The following ZNF536 variants were observed in gnomAD, a reference collection of about 807,000 sequenced individuals.
The protein encoded by ZNF536 is zinc finger protein 536.
In ZNF536, 13 loss-of-function variants were observed where a neutral mutation model predicts 84.5. The observed-to-expected ratio is 0.15, with a 90% CI of 0.10 to 0.24. The LOEUF is 0.24. Ranked by LOEUF, ZNF536 falls within the 10% of genes least tolerant of loss-of-function variation. ZNF536 has a pLI of 1.00. For synonymous variants in ZNF536, 811 were observed against 742.5 expected (o/e 1.09, Z -1.50); for missense variants, 1,536 against 1,747.5 (o/e 0.88, Z 2.16).
upstream of ZNF536, among the ~76,000 whole-genome samples, chr19:30,371,817 T>C (rs904414851): frequency 1.3e-5 from 2 of 151,202 alleles, no homozygotes; most frequent in African/African-American, 2.4e-5. Flanking sequence ...TATATATATA[T>C]GCATATATAT....
At chr19:30,233,911 T>C (rs1229566022) in intron 1 of ZNF536, among the ~76,000 whole-genome samples, 1 of 152,168 alleles carries the variant, frequency 6.6e-6, no homozygotes, top group African/African-American at 2.4e-5. Context: ...CTCTGTGATT[T>C]GCTCCTGATT....
rs200543526 is a variant in ZNF536, at chr19:30,446,795, G to GT, written c.2170+1066dup. 6.3e-3 allele frequency among the ~76,000 whole-genome samples: 894 copies of GT among 142,426 alleles called. 9 individuals carry two copies. Among genetic ancestry groups the GT allele is most frequent in the African/African-American group, 0.022 (792 of 36,218 alleles). 93.4% of individuals were successfully genotyped at this position (142,426 alleles called of 152,430 possible). A position where few individuals can be genotyped will look rare whatever the true frequency, so the allele number is the denominator to read the frequency against. Reference sequence around the variant, plus strand: ...TGAAATTATGAAGCTTCCTGGCCCAGTTTAAAAAAAAAACCAAAACAACAA... The same window carrying GT: ...TGAAATTATGAAGCTTCCTGGCCCAGTTTTAAAAAAAAAACCAAAACAACAA... On this transcript the variant is annotated intron_variant, in intron 2 of 4. Transcript: ENST00000355537.
rs115504791 is a variant in ZNF536 at position 30,443,112 on chromosome 19, A to G, written c.-2-449A>G. On this transcript the variant is annotated intron_variant, in intron 1 of 4. Coordinates refer to ENST00000355537, the MANE Select transcript of ZNF536 (RefSeq NM_014717.3). ...TCTCAGACTGGTGAATGTACTGAAT[A>G]TAGTAAACGGAAACAGAAGTTCCAA... Among the ~76,000 whole-genome samples, 794 of 150,626 alleles carry G rather than the reference A, an allele frequency of 5.3e-3. 3 individuals are homozygous for G. The highest frequency in any genetic ancestry group is 9.8e-3 in the African/African-American group (400 of 40,878).
chr19:30,614,488 A>G (rs1267613077), intron 1 of ZNF536, among the ~76,000 whole-genome samples: 1 of 151,538 alleles, frequency 6.6e-6, no homozygotes, highest in Non-Finnish European at 1.5e-5. Context: ...GAGAGAAAGT[A>G]GGTTTCTGTA....
At chr19:30,577,113 T>C (rs2146621289) in intron 1 of ZNF536, among the ~76,000 whole-genome samples, 1 of 152,374 alleles carries the variant, frequency 6.6e-6, no homozygotes, top group East Asian at 1.9e-4. Context: ...CTTCAACGAT[T>C]ATTTATTGTG....
intron 2 of ZNF536, among the ~76,000 whole-genome samples, chr19:30,314,335 G>C (rs917980844): frequency 1.6e-4 from 25 of 152,266 alleles, no homozygotes; most frequent in South Asian, 1.5e-3. Context: ...GCTCCTGCAG[G>C]TTATGCCTTC....
intron 2 of ZNF536, among the ~76,000 whole-genome samples, chr19:30,502,885 G>A (rs1347573278): frequency 6.6e-6 from 1 of 152,130 alleles, no homozygotes; most frequent in Non-Finnish European, 1.5e-5. Context: ...AACCCCAGAT[G>A]TGGCAAGGAG....
At chr19:30,364,946 G>C (rs1727170015) in intron 3 of ZNF536, among the ~76,000 whole-genome samples, 1 of 152,200 alleles carries the variant, frequency 6.6e-6, no homozygotes, top group Non-Finnish European at 1.5e-5. Context: ...AGTTCCAAGA[G>C]TAAAATGTTA....
At chr19:30,447,228 A>T (rs2052394485) in intron 2 of ZNF536, among the ~76,000 whole-genome samples, 1 of 152,090 alleles carries the variant, frequency 6.6e-6, no homozygotes, top group African/African-American at 2.4e-5. Context: ...TTTGGTTTAG[A>T]TACCTATTTC....
At chr19:30,353,089 G>T (rs540586786) in intron 3 of ZNF536, among the ~76,000 whole-genome samples, 1 of 152,186 alleles carries the variant, frequency 6.6e-6, no homozygotes, top group Non-Finnish European at 1.5e-5. Context: ...TTAAATCTTG[G>T]CTGTTGAGAA....
chr19:30,326,801 T>TTTTTTTG (rs1568333936), intron 2 of ZNF536, among the ~76,000 whole-genome samples: 8 of 127,292 alleles, frequency 6.3e-5, no homozygotes, highest in East Asian at 2.3e-4. Flanking sequence ...CTTTTTTTTT[T>TTTTTTTG]TTTTTTTTTT....
intron 1 of ZNF536, among the ~76,000 whole-genome samples, chr19:30,392,401 T>C (rs1245235935): frequency 6.6e-6 from 1 of 152,160 alleles, no homozygotes; most frequent in Non-Finnish European, 1.5e-5. Flanking sequence ...TTCATGCCCA[T>C]GTGGAGACAA....
chr19:30,307,610 C>T (rs562105055), intron 2 of ZNF536, among the ~76,000 whole-genome samples: 112 of 152,200 alleles, frequency 7.4e-4, no homozygotes, highest in African/African-American at 2.6e-3. Flanking sequence ...GCCCCTTCTC[C>T]TGATACGTCC....
At chr19:30,396,531 A>G (rs1009258933) in intron 1 of ZNF536, among the ~76,000 whole-genome samples, 3 of 151,832 alleles carry the variant, frequency 2.0e-5, no homozygotes, top group Admixed American at 6.6e-5. Context: ...AAGTGATTCT[A>G]AGGACAGGAG....
At chr19:30,398,439 T>G (rs993703834) in intron 1 of ZNF536, among the ~76,000 whole-genome samples, 15 of 152,052 alleles carry the variant, frequency 9.9e-5, no homozygotes, top group African/African-American at 3.4e-4. Context: ...GTGCAGAATG[T>G]GCAGTTTTGT....
chr19:30,432,279 G>C (rs1401941151), intron 1 of ZNF536, among the ~76,000 whole-genome samples: 1 of 152,082 alleles, frequency 6.6e-6, no homozygotes, highest in African/African-American at 2.4e-5. Context: ...CCCCTCTCCG[G>C]CATGGTGACT....
intron 1 of ZNF536, among the ~76,000 whole-genome samples, chr19:30,425,139 G>A (rs1465217580): frequency 6.6e-6 from 1 of 152,116 alleles, no homozygotes; most frequent in African/African-American, 2.4e-5. Context: ...ATTGGGTACA[G>A]TGTACACTGT....
At chr19:30,617,891 A>G (rs1182318709) in intron 1 of ZNF536, among the ~76,000 whole-genome samples, 1 of 152,198 alleles carries the variant, frequency 6.6e-6, no homozygotes, top group South Asian at 2.1e-4. Flanking sequence ...TGTCTTAAGC[A>G]TGGTTCTGTA....
intron 2 of ZNF536, among the ~76,000 whole-genome samples, chr19:30,497,378 G>A (rs758302201): frequency 2.6e-5 from 4 of 152,196 alleles, no homozygotes; most frequent in East Asian, 1.9e-4. Flanking sequence ...ATGCAGGGAC[G>A]CATCCAGTGT....
Sources: allele counts gnomAD v4.1 joint callset (sites outside exome capture counted in the v4.1 genomes callset), GRCh38; gene constraint gnomAD v4.1.1; transcripts MANE v1.5; gene names NCBI Gene and HGNC (gene_info 2026-07-23, HGNC 2026-07-21).